The following RIMS3 variants were observed in gnomAD, a reference collection of about 807,000 sequenced individuals.
RIMS3 encodes regulating synaptic membrane exocytosis protein 3.
RIMS3 carries 15 observed loss-of-function variants against 29.2 expected under a neutral mutation model. The observed-to-expected ratio is 0.51, with a 90% CI of 0.34 to 0.79. The LOEUF is 0.79. Among genes scored for constraint, RIMS3 ranks in the 30% least tolerant of loss-of-function variants. RIMS3 has a pLI of 0.01. For missense variants in RIMS3, 342 were observed against 421.4 expected (o/e 0.81, Z 1.65); for synonymous variants, 161 against 170.1 (o/e 0.95, Z 0.41).
upstream of RIMS3, among the ~76,000 whole-genome samples, chr1:40,667,977 G>C (rs2148367676): frequency 6.6e-6 from 1 of 152,282 alleles, no homozygotes; most frequent in African/African-American, 2.4e-5. Context: ...TTGTGGCCGG[G>C]GGCGGTGGCT....
At chr1:40,686,923 C>G in the RIMS3 span, among the ~76,000 whole-genome samples, 1 of 151,110 alleles carries the variant, frequency 6.6e-6, no homozygotes, top group African/African-American at 2.4e-5. Context: ...TAGTTTTGAT[C>G]ATGTCACTAT....
At chr1:40,689,386 A>G in the RIMS3 span, among the ~76,000 whole-genome samples, 1 of 152,072 alleles carries the variant, frequency 6.6e-6, no homozygotes, top group Non-Finnish European at 1.5e-5. Flanking sequence ...GGTTAAAGCA[A>G]TTCTCCTGCC....
intron 1 of RIMS3, among the ~76,000 whole-genome samples, chr1:40,659,176 G>A (rs1466838618): frequency 6.6e-6 from 1 of 152,140 alleles, no homozygotes. Flanking sequence ...CAAAGTAGGG[G>A]TGGGGAGGCA....
rs1035447477 is a variant in RIMS3, at chr1:40,623,174, T to C, written c.*3343A>G. On this transcript the variant is annotated 3_prime_UTR_variant, in exon 8 of 8. Coordinates refer to ENST00000372684, the MANE Select transcript of RIMS3 (RefSeq NM_014747.3). Reference sequence around the variant, plus strand: ...GCCCCCATGAAATGCTGGCATTGCCTGGGACTTGCTGCATCCCAAGAGCCT... The same window carrying C: ...GCCCCCATGAAATGCTGGCATTGCCCGGGACTTGCTGCATCCCAAGAGCCT... 13 of 372,414 alleles carry C rather than the reference T, an allele frequency of 3.5e-5. No individual in the cohort carries two copies. The highest frequency in any genetic ancestry group is 5.7e-5 in the Non-Finnish European group (12 of 210,080). 23.1% of individuals were successfully genotyped at this position (372,414 alleles called of 1,614,324 possible).
upstream of RIMS3, among the ~76,000 whole-genome samples, chr1:40,669,972 C>T (rs958708860): frequency 1.3e-5 from 2 of 152,030 alleles, no homozygotes; most frequent in South Asian, 4.1e-4. Context: ...TTCCTAAATA[C>T]TTCCTAGGTT....
chr1:40,691,716 G>A, the RIMS3 span: 1 of 454,242 alleles, frequency 2.2e-6, no homozygotes, highest in Non-Finnish European at 4.4e-6. Flanking sequence ...AAACGGCGTG[G>A]CCGCCATCTT....
intron 1 of RIMS3, among the ~76,000 whole-genome samples, chr1:40,648,238 AC>A (rs1347625279): frequency 6.6e-6 from 1 of 151,916 alleles, no homozygotes. Context: ...TCCTGGCTCT[AC>A]CCCCAGCCAT....
At chr1:40,670,574 T>TTATATATATATATATA (rs553412097), upstream of RIMS3, among the ~76,000 whole-genome samples, 2,753 of 70,816 alleles carry the variant, frequency 0.039, 202 homozygotes, top group African/African-American at 0.05. Flanking sequence ...AGTTATAATT[T>TTATATATATATATATA]TATATATATA....
the RIMS3 span, among the ~76,000 whole-genome samples, chr1:40,685,016 G>A: frequency 6.8e-4 from 104 of 152,208 alleles, no homozygotes; most frequent in African/African-American, 2.3e-3. Flanking sequence ...GGTCAGCTAT[G>A]TCTGTTGTTG....
intron 2 of RIMS3, among the ~76,000 whole-genome samples, chr1:40,642,332 T>C (rs1031008171): frequency 6.6e-6 from 1 of 152,190 alleles, no homozygotes; most frequent in African/African-American, 2.4e-5. Flanking sequence ...ACTTAGCTCA[T>C]AGGATTGTTC....
chr1:40,634,637 G>A (rs1413566440), intron 4 of RIMS3, among the ~76,000 whole-genome samples: 1 of 152,104 alleles, frequency 6.6e-6, no homozygotes, highest in Non-Finnish European at 1.5e-5. Context: ...AACCCTCAGG[G>A]TTGCTGTAAG....
At chr1:40,661,990 G>A (rs1026645997) in intron 1 of RIMS3, among the ~76,000 whole-genome samples, 1 of 152,210 alleles carries the variant, frequency 6.6e-6, no homozygotes, top group Non-Finnish European at 1.5e-5. Context: ...TAAACAACCG[G>A]TTCCCTGGGA....
intron 1 of RIMS3, among the ~76,000 whole-genome samples, chr1:40,657,078 A>G (rs1642283618): frequency 6.6e-6 from 1 of 152,238 alleles, no homozygotes; most frequent in Non-Finnish European, 1.5e-5. Flanking sequence ...ACAAATTGTC[A>G]TAACGGCCAC....
the RIMS3 span, among the ~76,000 whole-genome samples, chr1:40,684,160 A>G: frequency 6.6e-6 from 1 of 152,230 alleles, no homozygotes. Context: ...ATTGGTTACC[A>G]TGTTTTATAT....
At chr1:40,675,194 G>A in the RIMS3 span, among the ~76,000 whole-genome samples, 2 of 152,076 alleles carry the variant, frequency 1.3e-5, no homozygotes, top group Non-Finnish European at 2.9e-5. Context: ...ATTTGAGCCT[G>A]GGAGGCAGAG....
Position 40,641,904 on chromosome 1 carries a change from G to C in RIMS3, c.22C>G (p.Pro8Ala). The change falls in exon 3 of 8, where the codon CCT (proline) becomes GCT (alanine). Residue 8 changes from proline to alanine, a missense_variant. Transcript: ENST00000372684. MFNGEPG[P>A]ASSGASRNVV... ...TTCCTGGAGGCCCCAGATGAGGCAGGACCTGGCTCCCCGTTAAACATGGTC... is the reference window on the plus strand; with the variant it reads ...TTCCTGGAGGCCCCAGATGAGGCAGCACCTGGCTCCCCGTTAAACATGGTC... 1.2e-6 allele frequency: 2 copies of C among 1,613,732 alleles called. No homozygotes were observed. The highest frequency in any genetic ancestry group is 2.2e-5 in the East Asian group (1 of 44,872).
At position 40,654,581 on chromosome 1, in the gene RIMS3, C is replaced by G. The variant is rs1557682606; in HGVS notation, c.-206-6739G>C. 6.6e-6 allele frequency among the ~76,000 whole-genome samples: 1 copy of G among 151,984 alleles called. No homozygotes were observed. The highest frequency in any genetic ancestry group is 1.9e-4 in the East Asian group (1 of 5,170). Reference sequence around the variant, plus strand: ...TGCACACAAAAACACACCTTGTGCACCACAGACTCACATGGCATGGAGATG... The same window carrying G: ...TGCACACAAAAACACACCTTGTGCAGCACAGACTCACATGGCATGGAGATG... On this transcript the variant is annotated intron_variant, in intron 1 of 7. Transcript: ENST00000372684. The surrounding 1 kb of genome is among the most constrained non-coding windows in gnomAD (Gnocchi z 5.3).
At chr1:40,687,666 A>G in the RIMS3 span, 9 of 150,966 alleles carry the variant, frequency 6.0e-5, no homozygotes, top group Non-Finnish European at 8.8e-5. Context: ...AACTTCTACC[A>G]CTCACTTCCC....
chr1:40,658,042 A>G (rs918083396), intron 1 of RIMS3, among the ~76,000 whole-genome samples: 3 of 152,250 alleles, frequency 2.0e-5, no homozygotes, highest in Non-Finnish European at 4.4e-5. Context: ...CTTAAAAAAA[A>G]TGTTTATTAC....
Sources: allele counts gnomAD v4.1 joint callset (sites outside exome capture counted in the v4.1 genomes callset), GRCh38; gene constraint gnomAD v4.1.1; non-coding constraint Gnocchi (gnomAD v3.1); transcripts MANE v1.5; gene names NCBI Gene and HGNC (gene_info 2026-07-23, HGNC 2026-07-21).